Variants in NXPE1 observed in about 807,000 individuals in gnomAD.
NXPE1 encodes neurexophilin and PC-esterase domain family member 1.
In NXPE1, 31 loss-of-function variants were observed where a neutral mutation model predicts 33.3. The observed-to-expected ratio is 0.93, with a 90% CI of 0.70 to 1.26. The LOEUF (loss-of-function observed/expected upper bound fraction) is 1.26. Among genes scored for constraint, NXPE1 ranks in the 50% most tolerant of loss-of-function variants. The pLI is 0.00. For missense variants in NXPE1, 661 were observed against 655.6 expected (o/e 1.01, Z -0.09); for synonymous variants, 229 against 231.4 (o/e 0.99, Z 0.09).
chr11:114,558,516 G>A (rs1176696248), intron 1 of NXPE1, among the ~76,000 whole-genome samples: 1 of 152,136 alleles, frequency 6.6e-6, no homozygotes, highest in East Asian at 1.9e-4. Flanking sequence ...GAAAGTTTGT[G>A]AAGTGTTTCT....
At chr11:114,538,569 A>C (rs1306470203) in intron 5 of NXPE1, among the ~76,000 whole-genome samples, 1 of 152,232 alleles carries the variant, frequency 6.6e-6, no homozygotes. Context: ...CAATGAACTC[A>C]AACAAATTTA....
At chr11:114,527,583 A>C (rs1367286790) in intron 7 of NXPE1, among the ~76,000 whole-genome samples, 1 of 152,008 alleles carries the variant, frequency 6.6e-6, no homozygotes, top group South Asian at 2.1e-4. Flanking sequence ...AGTGCCTAAG[A>C]CTCTAGGAGA....
downstream of NXPE1, among the ~76,000 whole-genome samples, chr11:114,519,968 T>TCGCCTCCCGGGTTCACGCTATTCGCC (rs1356498370): frequency 8.5e-6 from 1 of 117,234 alleles, no homozygotes; most frequent in African/African-American, 4.5e-5. Context: ...CTCGGCGAGC[T>TCGCCTCCCGGGTTCACGCTATTCGCC]TGCCCGCTAA....
chr11:114,532,717 G>A (rs1039800689), intron 5 of NXPE1, among the ~76,000 whole-genome samples: 5 of 152,072 alleles, frequency 3.3e-5, no homozygotes, highest in Admixed American at 1.3e-4. Context: ...CTCTCTGTGT[G>A]TATGTGCATA....
At chr11:114,529,148 G>T in intron 6 of NXPE1, 1 of 233,536 alleles carries the variant, frequency 4.3e-6, no homozygotes, top group Non-Finnish European at 8.2e-6. Context: ...AGGGATTTCT[G>T]TGAACCTAGC....
intron 1 of NXPE1, among the ~76,000 whole-genome samples, chr11:114,556,685 A>AT (rs1459789702): frequency 2.0e-5 from 3 of 151,762 alleles, no homozygotes; most frequent in African/African-American, 2.4e-5. Flanking sequence ...CTTTCATATC[A>AT]TTTTTTAAAA....
intron 5 of NXPE1, among the ~76,000 whole-genome samples, chr11:114,531,706 C>T (rs1947590877): frequency 6.6e-6 from 1 of 152,128 alleles, no homozygotes; most frequent in Non-Finnish European, 1.5e-5. Context: ...TCCTGTCTTT[C>T]AGCTCTTGCT....
intron 6 of NXPE1, chr11:114,529,069 C>T (rs1240787594): frequency 1.1e-5 from 4 of 373,642 alleles, no homozygotes; most frequent in Non-Finnish European, 1.9e-5. Context: ...TTGGTGCCTA[C>T]TCTTAGCATA....
chr11:114,538,890 T>C (rs1406557221), intron 5 of NXPE1, among the ~76,000 whole-genome samples: 1 of 152,098 alleles, frequency 6.6e-6, no homozygotes, highest in Non-Finnish European at 1.5e-5. Context: ...TCCTCAGGGA[T>C]CTAGAACTAG....
intron 1 of NXPE1, among the ~76,000 whole-genome samples, chr11:114,555,040 CT>C (rs763356888): frequency 2.5e-3 from 351 of 143,100 alleles, no homozygotes; most frequent in Middle Eastern, 7.3e-3. Flanking sequence ...CTTGGGAGTC[CT>C]TTTTTTTTTT....
chr11:114,540,932 A>G (rs1464437871), intron 5 of NXPE1, among the ~76,000 whole-genome samples: 1 of 121,806 alleles, frequency 8.2e-6, no homozygotes, highest in South Asian at 2.8e-4. Context: ...CAGTCACTGG[A>G]TGGAGGGGGA....
exon 6 of NXPE1, chr11:114,530,471 A>C: frequency 6.2e-7 from 1 of 1,614,220 alleles, no homozygotes; most frequent in Non-Finnish European, 8.5e-7. Context: ...TGAGCAGCAG[A>C]GACAGGGAGA....
intron 5 of NXPE1, among the ~76,000 whole-genome samples, chr11:114,541,960 T>G (rs1948113271): frequency 6.6e-6 from 1 of 152,222 alleles, no homozygotes; most frequent in Admixed American, 6.5e-5. Context: ...TTTACTAAGT[T>G]AAGGTCTTTT....
chr11:114,556,200 T>C (rs914324292), intron 1 of NXPE1, among the ~76,000 whole-genome samples: 2 of 152,216 alleles, frequency 1.3e-5, no homozygotes, highest in African/African-American at 4.8e-5. Context: ...TTTGAATTTA[T>C]GGAGAGTTGG....
intron 5 of NXPE1, among the ~76,000 whole-genome samples, chr11:114,540,124 T>G (rs1948035077): frequency 6.6e-6 from 1 of 152,124 alleles, no homozygotes; most frequent in Non-Finnish European, 1.5e-5. Flanking sequence ...CCTGACTAAT[T>G]TTTTCTATTT....
intron 7 of NXPE1, among the ~76,000 whole-genome samples, chr11:114,524,518 T>C (rs1947310106): frequency 6.6e-6 from 1 of 152,188 alleles, no homozygotes; most frequent in African/African-American, 2.4e-5. Context: ...TGATTTGGCT[T>C]ACTAAAGGGA....
rs189261006 is a variant in NXPE1, at chr11:114,533,906, A to G, written c.100-2998T>C. ...ACAGCAGTAACCTCTGCAGACTTAA[A>G]TGTCCCTGTCTGACAGCTTTGAAGA... is the stretch of plus-strand genomic sequence containing the variant. On this transcript the variant is annotated intron_variant, in intron 5 of 8. Transcript: ENST00000534921. Among the ~76,000 whole-genome samples, 306 of 152,342 alleles carry G rather than the reference A, an allele frequency of 2.0e-3. 6 individuals are homozygous for G. The East Asian group carries it at 0.049, about 25-fold the overall frequency.
At chr11:114,551,261 A>G in intron 4 of NXPE1, 50 bp from the exon 5 acceptor site, 1 of 1,314,710 alleles carries the variant, frequency 7.6e-7, no homozygotes, top group Non-Finnish European at 1.0e-6. Flanking sequence ...ATCTCTCTGT[A>G]CTCACTCATT....
At chr11:114,529,308 G>T (rs533560913) in intron 6 of NXPE1, 5 of 153,026 alleles carry the variant, frequency 3.3e-5, no homozygotes, top group African/African-American at 9.6e-5. Flanking sequence ...GGAACTGATA[G>T]AAGTCTTAGG....
Sources: gnomAD v4.1 joint callset for allele counts (sites outside exome capture counted in the v4.1 genomes callset) on GRCh38, gnomAD v4.1.1 for gene constraint, MANE v1.5 for transcripts, NCBI Gene and HGNC (gene_info 2026-07-23, HGNC 2026-07-21) for gene names.